The following PIK3CG variants were observed in gnomAD, a reference collection of about 807,000 sequenced individuals.
PIK3CG encodes the protein phosphatidylinositol 4,5-bisphosphate 3-kinase catalytic subunit gamma isoform.
Under a neutral mutation model 102.3 loss-of-function variants are expected in PIK3CG, and 55 were observed. The ratio of observed to expected loss-of-function variants is 0.54; its 90% CI spans 0.43 to 0.67. PIK3CG has a LOEUF of 0.67. PIK3CG is among the 30% of genes least tolerant of loss of function. PIK3CG has a pLI of 0.00. For missense variants in PIK3CG, 1,258 were observed against 1,391.8 expected, an observed-to-expected ratio of 0.90 and a Z score of 1.53; for synonymous variants, 552 against 540.0, an observed-to-expected ratio of 1.02 and a Z score of -0.31.
rs1302712513 is a variant in PIK3CG at position 106,883,033 on chromosome 7, G to A, written c.2630G>A (p.Gly877Glu). ...YGCISTGDKI[G>E]MIEIVKDATT... The stretch of plus-strand genomic sequence containing the variant: ...TCAGACTCTGTGCATCCTTCTGTAG[G>A]AATGATCGAGATTGTGAAAGACGCC... The change falls in exon 8 of 11, where the codon GGA (glycine) becomes GAA (glutamate). Residue 877 changes from glycine (G) to glutamate (E), a missense_variant and splice_region_variant. Physicochemically the swap from Gly to Glu is moderately conservative, Grantham distance 98. Transcript: ENST00000496166. This position sits in a 1 kb window ranked among gnomAD's most constrained non-coding sequence, Gnocchi z 5.8. 2 of 1,613,830 alleles carry A rather than the reference G, an allele frequency of 1.2e-6. No homozygotes were observed. The highest frequency in any genetic ancestry group is 2.2e-5 in the East Asian group (1 of 44,854).
intron 5 of PIK3CG, among the ~76,000 whole-genome samples, chr7:106,875,918 T>TTG (rs1472157985): frequency 5.4e-5 from 8 of 148,452 alleles, no homozygotes; most frequent in African/African-American, 2.0e-4. Flanking sequence ...TGTTTTTTTT[T>TTG]TTTTTTTGAG....
At chr7:106,901,616 T>G (rs1791556344) in intron 10 of PIK3CG, among the ~76,000 whole-genome samples, 1 of 152,202 alleles carries the variant, frequency 6.6e-6, no homozygotes, top group Non-Finnish European at 1.5e-5. Flanking sequence ...TGTGGTTGTT[T>G]GGAGGACATA....
rs138344795 is a variant in PIK3CG, at chr7:106,868,990, C to T, written c.1429C>T (p.Arg477Cys). The T allele has an allele frequency of 1.1e-4, 180 of 1,614,152 alleles. 1 individual carries two copies. The African/African-American group carries it at 2.1e-3, about 19-fold the overall frequency. Reference sequence around the variant, plus strand: ...GATAGACCACCGTTTCCTCCTGCGCCGTGGAGAATACGTCCTCCACATGTG... The same window carrying T: ...GATAGACCACCGTTTCCTCCTGCGCTGTGGAGAATACGTCCTCCACATGTG... ...LLIDHRFLLR[R>C]GEYVLHMWQI... The change falls in exon 2 of 11, where the codon CGT becomes TGT. Residue 477 changes from arginine (R) to cysteine (C), a missense_variant. By Grantham distance (180) the Arg-to-Cys change is radical. Transcript: ENST00000496166. The surrounding 1 kb of genome is among the most constrained non-coding windows in gnomAD (Gnocchi z 6.2).
rs2116442723 is a variant in PIK3CG at position 106,868,521 on chromosome 7, G to A, written c.960G>A (p.Lys320=). 3 of 1,614,160 alleles carry A rather than the reference G, an allele frequency of 1.9e-6. No homozygotes were observed. Among genetic ancestry groups the A allele is most frequent in the Non-Finnish European group, 2.5e-6 (3 of 1,180,038 alleles). Residue 320 remains lysine (K), a synonymous_variant, in exon 2 of 11, where the codon AAG becomes AAA. Coordinates refer to ENST00000496166, the MANE Select transcript of PIK3CG (RefSeq NM_001282426.2). The surrounding 1 kb of genome is among the most constrained non-coding windows in gnomAD (Gnocchi z 6.2). ...ACCCGGCCCTAGACGAGGTGAGGAA[G>A]GAAGAGTGGCCACTGGTGGATGACT... ...PPDPALDEVR[K]EEWPLVDDCT... is the part of the protein sequence containing the mutation.
intron 4 of PIK3CG, 83 bp downstream of exon 4, chr7:106,873,021 T>C: frequency 9.3e-7 from 1 of 1,071,716 alleles, no homozygotes; most frequent in African/African-American, 1.6e-5. Flanking sequence ...TTTTTCTTCC[T>C]GGAATCCAAG....
chr7:106,907,253 A>C lies in PIK3CG; in HGVS notation c.*1866A>C, dbSNP rs190751756. The stretch of plus-strand genomic sequence containing the variant: ...TCAGGTGATTCTAATTCACAGCCAG[A>C]GTTGGAAGCCCTGCGTGGCCTTTGA... On this transcript the variant is annotated 3_prime_UTR_variant, in exon 11 of 11. Coordinates refer to ENST00000496166, the MANE Select transcript of PIK3CG (RefSeq NM_001282426.2). 6.3e-6 allele frequency: 1 copy of C among 158,090 alleles called. No individual in the cohort carries two copies. Among genetic ancestry groups the C allele is most frequent in the East Asian group, 1.6e-4 (1 of 6,320 alleles). The allele number at this position is 158,090 out of a possible 1,614,324, so 9.8% of individuals were successfully genotyped here. A position where few individuals can be genotyped will look rare whatever the true frequency, so the allele number is the denominator to read the frequency against.
rs2116438077 is a variant in PIK3CG, at chr7:106,868,356, A to G, written c.795A>G (p.Gln265=). 6.2e-7 allele frequency: 1 copy of G among 1,614,244 alleles called. No individual in the cohort carries two copies. The highest frequency in any genetic ancestry group is 8.5e-7 in the Non-Finnish European group (1 of 1,180,030). The part of the protein sequence containing the change: ...KKSLMDIPES[Q]SEQDFVLRVC... ...CTCTGATGGATATTCCCGAAAGCCA[A>G]AGCGAACAGGATTTTGTGCTGCGCG... The change falls in exon 2 of 11, where the codon CAA becomes CAG. Residue 265 remains glutamine, a synonymous_variant. Transcript: ENST00000496166. The surrounding 1 kb of genome is among the most constrained non-coding windows in gnomAD (Gnocchi z 6.2).
chr7:106,895,464 T>A lies in PIK3CG; in HGVS notation c.3030+9172T>A, dbSNP rs1443897531. ...TCTGGGACTGAGCGGGCAGGGCAGG[T>A]GCTCGGCTGTGCCCCCCAGGGTGAG... is the stretch of plus-strand genomic sequence containing the variant. On this transcript the variant is annotated intron_variant, in intron 10 of 10. Coordinates refer to ENST00000496166, the MANE Select transcript of PIK3CG (RefSeq NM_001282426.2). This position sits in a 1 kb window ranked among gnomAD's most constrained non-coding sequence, Gnocchi z 5.4. 6.6e-6 allele frequency among the ~76,000 whole-genome samples: 1 copy of A among 152,136 alleles called. No individual in the cohort carries two copies. Among genetic ancestry groups the A allele is most frequent in the East Asian group, 1.9e-4 (1 of 5,194 alleles).
intron 7 of PIK3CG, 198 bp downstream of exon 7, chr7:106,882,405 C>A (rs1182316743): frequency 3.4e-5 from 12 of 356,198 alleles, no homozygotes; most frequent in Non-Finnish European, 5.5e-5. Flanking sequence ...TGATTCAAAT[C>A]CCTGTGACTA....
Position 106,899,351 on chromosome 7 carries a change from T to C in PIK3CG, c.3031-5758T>C, listed in dbSNP as rs1024561780. Among the ~76,000 whole-genome samples the C allele has an allele frequency of 9.2e-5, 14 of 152,216 alleles. No homozygotes were observed. The highest frequency in any genetic ancestry group is 3.4e-4 in the African/African-American group (14 of 41,436). On this transcript the variant is annotated intron_variant, in intron 10 of 10. Coordinates refer to ENST00000496166, the MANE Select transcript of PIK3CG (RefSeq NM_001282426.2). This position sits in a 1 kb window ranked among gnomAD's most constrained non-coding sequence, Gnocchi z 4.6. ...CCTTTCTTCCTATTTAGATGTTCTT[T>C]ATTTCTTCCTCTTGCCTGATTGCTC...
chr7:106,875,359 CAA>C (rs35537666), intron 5 of PIK3CG, among the ~76,000 whole-genome samples: 4 of 126,702 alleles, frequency 3.2e-5, no homozygotes, highest in Non-Finnish European at 6.5e-5. Context: ...GACTCCGTCT[CAA>C]AAAAAAAAAA....
rs754727441 is a variant in PIK3CG at position 106,868,722 on chromosome 7, C to G, written c.1161C>G (p.Ile387Met). 1.9e-6 allele frequency: 3 copies of G among 1,614,234 alleles called. No homozygotes were observed. In the Admixed American group the frequency reaches 5.0e-5, roughly 27 times the overall value. The change falls in exon 2 of 11, where the codon ATC becomes ATG. Residue 387 changes from isoleucine to methionine, a missense_variant. Coordinates refer to ENST00000496166, the MANE Select transcript of PIK3CG (RefSeq NM_001282426.2). The surrounding 1 kb of genome is among the most constrained non-coding windows in gnomAD (Gnocchi z 6.2). The stretch of plus-strand genomic sequence containing the variant: ...TCACAGTTTTTGTAGAGGCAAACAT[C>G]CAGCATGGGCAACAAGTCCTTTGCC... ...TDLTVFVEANIQHGQQVLCQR... is the reference protein window; with the variant it reads ...TDLTVFVEANMQHGQQVLCQR...
Position 106,874,532 on chromosome 7 carries a change from C to T in PIK3CG, c.2288-168C>T, listed in dbSNP as rs1790653850. ...ACCTTAAGCCCAATGTATCTTGCCA[C>T]CTCATATGGTTAGCTCCTCAAAGGC... On this transcript the variant is annotated intron_variant, in intron 4 of 10. Coordinates refer to ENST00000496166, the MANE Select transcript of PIK3CG (RefSeq NM_001282426.2). The surrounding 1 kb of genome is among the most constrained non-coding windows in gnomAD (Gnocchi z 4.3). Among the ~76,000 whole-genome samples the T allele has an allele frequency of 6.6e-6, 1 of 152,162 alleles. No homozygotes were observed. Among genetic ancestry groups the T allele is most frequent in the Non-Finnish European group, 1.5e-5 (1 of 68,042 alleles).
Position 106,890,613 on chromosome 7 carries a change from A to G in PIK3CG, c.3030+4321A>G, listed in dbSNP as rs533168641. Among the ~76,000 whole-genome samples the G allele has an allele frequency of 4.5e-4, 69 of 152,396 alleles. No homozygotes were observed. The highest frequency in any genetic ancestry group is 1.6e-3 in the African/African-American group (67 of 41,600). ...GCTTTCCAAAGATAATACTGTCAAC[A>G]TGTTAGTTTCTAGAAGATTGTAAAT... On this transcript the variant is annotated intron_variant, in intron 10 of 10. Transcript: ENST00000496166. This position sits in a 1 kb window ranked among gnomAD's most constrained non-coding sequence, Gnocchi z 4.2.
Position 106,884,219 on chromosome 7 carries a change from T to C in PIK3CG, c.2825T>C (p.Leu942Pro). Residue 942 changes from leucine to proline, a missense_variant, in exon 9 of 11, where the codon CTT becomes CCT. By Grantham distance (98) the Leu-to-Pro change is moderately conservative (BLOSUM62 -3). This residue lies in a region of PIK3CG where 426 missense variants were observed against 604.2 expected (regional missense o/e 0.71). Transcript: ENST00000496166. This position sits in a 1 kb window ranked among gnomAD's most constrained non-coding sequence, Gnocchi z 4.2. The stretch of plus-strand genomic sequence containing the variant: ...GGCTACTGTGTGGCAACCTTTGTTC[T>C]TGGAATAGGCGACAGACACAATGAC... Reference protein sequence around the residue: ...CAGYCVATFVLGIGDRHNDNI... With the variant: ...CAGYCVATFVPGIGDRHNDNI... 1.2e-6 allele frequency: 2 copies of C among 1,614,036 alleles called. No homozygotes were observed. The highest frequency in any genetic ancestry group is 1.3e-5 in the African/African-American group (1 of 75,040).
At position 106,903,347 on chromosome 7, in the gene PIK3CG, G is replaced by A. The variant is rs767710233; in HGVS notation, c.3031-1762G>A. On this transcript the variant is annotated intron_variant, in intron 10 of 10. Coordinates refer to ENST00000496166, the MANE Select transcript of PIK3CG (RefSeq NM_001282426.2). This position sits in a 1 kb window ranked among gnomAD's most constrained non-coding sequence, Gnocchi z 4.3. The stretch of plus-strand genomic sequence containing the variant: ...TAAACACCCAATAAGAATTTGTATT[G>A]AAATTTTATGTTTATAGATTAATCT... 6.6e-6 allele frequency among the ~76,000 whole-genome samples: 1 copy of A among 151,962 alleles called. No homozygotes were observed. The highest frequency in any genetic ancestry group is 2.4e-5 in the African/African-American group (1 of 41,386).
At position 106,879,551 on chromosome 7, in the gene PIK3CG, A is replaced by G; in HGVS notation, c.2424A>G (p.Lys808=). 6.2e-7 allele frequency: 1 copy of G among 1,613,822 alleles called. No homozygotes were observed. Among genetic ancestry groups the G allele is most frequent in the Admixed American group, 1.7e-5 (1 of 60,008 alleles). ...IEKCKVMASK[K]KPLWLEFKCA... ...AATGTAAAGTAATGGCCTCCAAGAA[A>G]AAACCACTATGGCTTGAGTTTAAAT... The change falls in exon 6 of 11, where the codon AAA becomes AAG. Residue 808 remains lysine (K), a synonymous_variant. Transcript: ENST00000496166. The surrounding 1 kb of genome is among the most constrained non-coding windows in gnomAD (Gnocchi z 4.9).
Position 106,867,681 on chromosome 7 carries a change from C to T in PIK3CG, c.120C>T (p.Ile40=), listed in dbSNP as rs1004936166. The change falls in exon 2 of 11, where the codon ATC becomes ATT. Residue 40 remains isoleucine, a synonymous_variant. Coordinates refer to ENST00000496166, the MANE Select transcript of PIK3CG (RefSeq NM_001282426.2). The surrounding 1 kb of genome is among the most constrained non-coding windows in gnomAD (Gnocchi z 5.1). ...ASLSSMELIP[I]EFVLPTSQRK... ...TGTCCTCCATGGAGCTCATCCCCAT[C>T]GAGTTCGTGCTGCCCACCAGCCAGC... 22 of 1,613,306 alleles carry T rather than the reference C, an allele frequency of 1.4e-5. No homozygotes were observed. Among genetic ancestry groups the T allele is most frequent in the Non-Finnish European group, 1.8e-5 (21 of 1,179,992 alleles).
chr7:106,876,501 C>T (rs1790747304), intron 5 of PIK3CG, among the ~76,000 whole-genome samples: 2 of 151,480 alleles, frequency 1.3e-5, no homozygotes, highest in East Asian at 3.9e-4. Context: ...ATGCCATTCT[C>T]CTGCCTCAGC....
Sources: gnomAD v4.1 joint callset for allele counts (sites outside exome capture counted in the v4.1 genomes callset) on GRCh38, gnomAD v4.1.1 for gene constraint, gnomAD v4.1.1 regional missense constraint, Gnocchi (gnomAD v3.1) non-coding constraint, MANE v1.5 for transcripts, NCBI Gene and HGNC (gene_info 2026-07-23, HGNC 2026-07-21) for gene names.